The following SIK2 variants were observed in gnomAD, a reference collection of about 807,000 sequenced individuals.
The protein encoded by SIK2 is salt inducible kinase 2, also known as serine/threonine-protein kinase SIK2.
Under a neutral mutation model 103.2 loss-of-function variants are expected in SIK2, and 29 were observed. The ratio of observed to expected loss-of-function variants is 0.28; its 90% CI spans 0.21 to 0.38. The LOEUF is 0.38. SIK2 is among the 10% of genes least tolerant of loss of function. SIK2 has a pLI of 1.00. For missense variants in SIK2, 879 were observed against 1,171.0 expected (o/e 0.75, Z 3.64); for synonymous variants, 412 against 446.1 (o/e 0.92, Z 0.96).
rs556260174 is a variant in SIK2, at chr11:111,688,431, G to A, written c.478+269G>A. On this transcript the variant is annotated intron_variant, in intron 4 of 14. Coordinates refer to ENST00000304987, the MANE Select transcript of SIK2 (RefSeq NM_015191.3). The surrounding 1 kb of genome is among the most constrained non-coding windows in gnomAD (Gnocchi z 4.2). ...GGTTTCGGGGTGCTCTGCTGGAAGAGGTACATTTATCTGAGTGTCAGAGTG... is the reference window on the plus strand; with the variant it reads ...GGTTTCGGGGTGCTCTGCTGGAAGAAGTACATTTATCTGAGTGTCAGAGTG... Among the ~76,000 whole-genome samples, 2 of 152,286 alleles carry A rather than the reference G, an allele frequency of 1.3e-5. No individual in the cohort carries two copies. The highest frequency in any genetic ancestry group is 3.9e-4 in the East Asian group (2 of 5,192).
intron 9 of SIK2, among the ~76,000 whole-genome samples, chr11:111,717,664 TC>T (rs1311643482): frequency 6.6e-6 from 1 of 152,246 alleles, no homozygotes; most frequent in East Asian, 1.9e-4. Context: ...GCAGCTCTAT[TC>T]ACAACAGCAA....
intron 4 of SIK2, among the ~76,000 whole-genome samples, chr11:111,689,868 A>G (rs1942903888): frequency 6.6e-6 from 1 of 152,080 alleles, no homozygotes; most frequent in Admixed American, 6.5e-5. Context: ...GTTACAGGAT[A>G]TGTAATGGAT....
chr11:111,724,190 C>G lies in SIK2; in HGVS notation c.*61C>G. On this transcript the variant is annotated 3_prime_UTR_variant, in exon 15 of 15. Coordinates refer to ENST00000304987, the MANE Select transcript of SIK2 (RefSeq NM_015191.3). ...AAGAGTGTATGTTCCTATTTTTATT[C>G]CAGCCTTTTAAATTTAAAGCTTATT... 1 of 1,533,888 alleles carries G rather than the reference C, an allele frequency of 6.5e-7. No homozygotes were observed. Among genetic ancestry groups the G allele is most frequent in the Non-Finnish European group, 8.7e-7 (1 of 1,146,530 alleles).
rs1944148631 is a variant in SIK2, at chr11:111,730,428, A to G, written c.*6299A>G. ...GAGAAAGGTTTGCTTCACTTCGGGG[A>G]CTGCAGTTTGAGAAATAAAAGGGAT... On this transcript the variant is annotated 3_prime_UTR_variant, in exon 15 of 15. Transcript: ENST00000304987. 1 of 152,194 alleles carries G rather than the reference A, an allele frequency of 6.6e-6. No homozygotes were observed. The highest frequency in any genetic ancestry group is 1.5e-5 in the Non-Finnish European group (1 of 68,036). The allele number at this position is 152,194 out of a possible 1,614,324, so 9.4% of individuals were successfully genotyped here.
In SIK2 at chr11:111,724,365, G is replaced by A; in HGVS notation, c.*236G>A. The A allele has an allele frequency of 1.8e-6, 1 of 566,388 alleles. No individual in the cohort carries two copies. The highest frequency in any genetic ancestry group is 3.1e-6 in the Non-Finnish European group (1 of 325,926). The allele number at this position is 566,388 out of a possible 1,614,324, so 35.1% of individuals were successfully genotyped here. On this transcript the variant is annotated 3_prime_UTR_variant, in exon 15 of 15. Transcript: ENST00000304987. ...AACATAGTTGTAGGCTGAGGCTCCTGCCCTTCGGTCGAGTGGAGCAAGCTC... is the reference window on the plus strand; with the variant it reads ...AACATAGTTGTAGGCTGAGGCTCCTACCCTTCGGTCGAGTGGAGCAAGCTC...
rs117751919 is a variant in SIK2, at chr11:111,718,941, T to C, written c.1267-834T>C. ...CCACAACCCCCATGCCAGTATGCTGTTCTGCCTGCCATTAGGCAGTGTGCG... is the reference window on the plus strand; with the variant it reads ...CCACAACCCCCATGCCAGTATGCTGCTCTGCCTGCCATTAGGCAGTGTGCG... On this transcript the variant is annotated intron_variant, in intron 9 of 14. Transcript: ENST00000304987. The C allele has an allele frequency of 6.6e-3, 999 of 152,396 alleles. 8 individuals carry two copies. The highest frequency in any genetic ancestry group is 0.054 in the Middle Eastern group (16 of 294). The allele number at this position is 152,396 out of a possible 1,614,324, so 9.4% of individuals were successfully genotyped here.
At position 111,602,708 on chromosome 11, in the gene SIK2, G is replaced by T; in HGVS notation, c.135+10G>T. On this transcript the variant is annotated intron_variant, in intron 1 of 14. Transcript: ENST00000304987. This position sits in a 1 kb window ranked among gnomAD's most constrained non-coding sequence, Gnocchi z 4.5. ...GATCACCAAGACGGAGGTGCGGCCCGGGGCTCGGCGGGAGCGTCCGAGGCG... is the reference window on the plus strand; with the variant it reads ...GATCACCAAGACGGAGGTGCGGCCCTGGGCTCGGCGGGAGCGTCCGAGGCG... 6.7e-7 allele frequency: 1 copy of T among 1,497,346 alleles called. No individual in the cohort carries two copies. The allele number at this position is 1,497,346 out of a possible 1,614,324, so 92.8% of individuals were successfully genotyped here. A position where few individuals can be genotyped will look rare whatever the true frequency, so the allele number is the denominator to read the frequency against.
At chr11:111,712,871 GT>G (rs1338441066) in intron 9 of SIK2, among the ~76,000 whole-genome samples, 1 of 152,142 alleles carries the variant, frequency 6.6e-6, no homozygotes, top group African/African-American at 2.4e-5. Flanking sequence ...ATGTTTAAAA[GT>G]TAATGTGCTG....
At chr11:111,639,083 A>C (rs770020000) in intron 3 of SIK2, among the ~76,000 whole-genome samples, 19 of 152,160 alleles carry the variant, frequency 1.2e-4, no homozygotes, top group Non-Finnish European at 2.5e-4. Flanking sequence ...TTTCTACTGA[A>C]TGCCTTGAAT....
intron 7 of SIK2, 78 bp from the exon 8 acceptor site, chr11:111,704,907 CCT>C (rs1356815475): frequency 2.1e-6 from 3 of 1,436,870 alleles, no homozygotes; most frequent in Non-Finnish European, 9.3e-7. Context: ...CAATTTCTTT[CCT>C]CTTTTTTTTT....
intron 9 of SIK2, among the ~76,000 whole-genome samples, chr11:111,714,916 A>G (rs1943598189): frequency 6.6e-6 from 1 of 152,204 alleles, no homozygotes; most frequent in East Asian, 1.9e-4. Flanking sequence ...CATTTATTTT[A>G]AAGATGTAAT....
intron 3 of SIK2, among the ~76,000 whole-genome samples, chr11:111,629,724 C>T (rs1162248001): frequency 3.3e-5 from 5 of 152,102 alleles, no homozygotes; most frequent in African/African-American, 1.2e-4. Flanking sequence ...AATTACTCAA[C>T]GTTTTTAGTC....
intron 8 of SIK2, among the ~76,000 whole-genome samples, chr11:111,706,266 G>A (rs1213770955): frequency 1.3e-5 from 2 of 152,188 alleles, no homozygotes; most frequent in African/African-American, 4.8e-5. Context: ...ATAATTGCTG[G>A]GGAGGAAGGG....
At chr11:111,670,871 T>C (rs1473155789) in intron 3 of SIK2, 2 of 153,378 alleles carry the variant, frequency 1.3e-5, no homozygotes, top group Admixed American at 1.3e-4. Context: ...CTTTTCCTTA[T>C]GCTCCCCTGC....
chr11:111,688,267 G>C lies in SIK2; in HGVS notation c.478+105G>C. On this transcript the variant is annotated intron_variant, in intron 4 of 14. Transcript: ENST00000304987. The surrounding 1 kb of genome is among the most constrained non-coding windows in gnomAD (Gnocchi z 4.2). ...AGATTCAGCAGCATTTCTACCTGAT[G>C]ACATCAGGCTATCTCAAAGTCCATT... 1 of 1,129,418 alleles carries C rather than the reference G, an allele frequency of 8.9e-7. No individual in the cohort carries two copies. Among genetic ancestry groups the C allele is most frequent in the Non-Finnish European group, 1.3e-6 (1 of 768,996 alleles). The allele number at this position is 1,129,418 out of a possible 1,614,324, so 70.0% of individuals were successfully genotyped here.
chr11:111,624,764 G>T (rs1941939569), intron 3 of SIK2, among the ~76,000 whole-genome samples: 1 of 152,196 alleles, frequency 6.6e-6, no homozygotes, highest in South Asian at 2.1e-4. Context: ...AGGCTGGTTG[G>T]TTGGGAGGCA....
chr11:111,609,928 A>G (rs1215563436), intron 1 of SIK2, among the ~76,000 whole-genome samples: 2 of 152,238 alleles, frequency 1.3e-5, no homozygotes, highest in African/African-American at 2.4e-5. Flanking sequence ...GTTACTTGGT[A>G]CTTCAGAAGG....
Position 111,726,954 on chromosome 11 carries a change from A to T in SIK2, c.*2825A>T. Reference sequence around the variant, plus strand: ...CTTTATTTTTTATGTTCTTTTTTTAAATCTGGGGTATTAGTCTGTGCTTTG... The same window carrying T: ...CTTTATTTTTTATGTTCTTTTTTTATATCTGGGGTATTAGTCTGTGCTTTG... On this transcript the variant is annotated 3_prime_UTR_variant, in exon 15 of 15. Coordinates refer to ENST00000304987, the MANE Select transcript of SIK2 (RefSeq NM_015191.3). 1 of 1,611,846 alleles carries T rather than the reference A, an allele frequency of 6.2e-7. No homozygotes were observed. Among genetic ancestry groups the T allele is most frequent in the Non-Finnish European group, 8.5e-7 (1 of 1,178,310 alleles).
intron 1 of SIK2, among the ~76,000 whole-genome samples, chr11:111,608,843 T>C (rs1410633480): frequency 6.6e-6 from 1 of 152,196 alleles, no homozygotes; most frequent in Non-Finnish European, 1.5e-5. Flanking sequence ...AAGGAGTATG[T>C]ACATTACCTA....
Sources: gnomAD v4.1 joint callset for allele counts (sites outside exome capture counted in the v4.1 genomes callset) on GRCh38, gnomAD v4.1.1 for gene constraint, Gnocchi (gnomAD v3.1) non-coding constraint, MANE v1.5 for transcripts, NCBI Gene and HGNC (gene_info 2026-07-23, HGNC 2026-07-21) for gene names.